Variants in PAIP2 observed in about 807,000 individuals in gnomAD.
PAIP2 encodes polyadenylate-binding protein-interacting protein 2.
A neutral mutation model predicts 14.8 loss-of-function variants in PAIP2; 7 were observed. That is an observed-to-expected ratio of 0.47 (90% CI 0.27 to 0.89). PAIP2 has a LOEUF of 0.89. Ranked by LOEUF, PAIP2 falls within the 40% of genes least tolerant of loss-of-function variation. The pLI, the probability that PAIP2 is intolerant of heterozygous loss-of-function variation, is 0.13. For synonymous variants in PAIP2, 47 were observed against 45.3 expected (o/e 1.04, Z -0.15); for missense variants, 122 against 154.7 (o/e 0.79, Z 1.12).
At chr5:139,355,166 CTTTTTTTTT>C (rs758442291) in intron 1 of PAIP2, among the ~76,000 whole-genome samples, 1 of 118,750 alleles carries the variant, frequency 8.4e-6, no homozygotes, top group African/African-American at 3.3e-5. Flanking sequence ...TTGTCTCTCT[CTTTTTTTTT>C]TTTTTTTTTG....
rs372917860 is a variant in PAIP2 at position 139,364,579 on chromosome 5, T to C, written c.154T>C (p.Trp52Arg). The change falls in exon 3 of 4, where the codon TGG (tryptophan) becomes CGG (arginine). Residue 52 changes from tryptophan to arginine, a missense_variant. Around this residue, in one of 3 missense-constraint regions of PAIP2, gnomAD observed 34 missense variants for 74.0 expected, o/e 0.46. Coordinates refer to ENST00000265192, the MANE Select transcript of PAIP2 (RefSeq NM_016480.5). ...EFNRQIEEELWEEEFIERCFQ... is the reference protein window; with the variant it reads ...EFNRQIEEELREEEFIERCFQ... ...ATAAATCTAGATAGAAGAGGAGTTA[T>C]GGGAAGAAGAATTTATTGAACGCTG... 10 of 1,595,934 alleles carry C rather than the reference T, an allele frequency of 6.3e-6. No homozygotes were observed. Among genetic ancestry groups the C allele is most frequent in the Admixed American group, 3.3e-5 (2 of 59,878 alleles).
chr5:139,350,464 C>T (rs1014881329), intron 1 of PAIP2, among the ~76,000 whole-genome samples: 17 of 151,672 alleles, frequency 1.1e-4, no homozygotes, highest in Admixed American at 7.2e-4. Flanking sequence ...AACCCCATGT[C>T]TACTAAAAAT....
chr5:139,368,669 C>T (rs1324743934), intron 3 of PAIP2, 64 bp from the exon 4 acceptor site: 1 of 1,067,276 alleles, frequency 9.4e-7, no homozygotes, highest in African/African-American at 1.6e-5. Flanking sequence ...GCATGAGGAT[C>T]TAGATTGAAT....
At chr5:139,361,277 A>G (rs1233557831) in intron 1 of PAIP2, among the ~76,000 whole-genome samples, 1 of 152,048 alleles carries the variant, frequency 6.6e-6, no homozygotes, top group East Asian at 1.9e-4. Context: ...CATAAAATTT[A>G]AAGGGCCAGG....
chr5:139,362,541 G>C (rs1043771329), intron 1 of PAIP2, among the ~76,000 whole-genome samples: 2 of 151,624 alleles, frequency 1.3e-5, no homozygotes, highest in South Asian at 2.1e-4. Flanking sequence ...CTCCGGAGTA[G>C]CTGGGATTAC....
chr5:139,353,593 A>G (rs1250949693), intron 1 of PAIP2, among the ~76,000 whole-genome samples: 1 of 152,202 alleles, frequency 6.6e-6, no homozygotes, highest in Non-Finnish European at 1.5e-5. Flanking sequence ...GCCCACCATT[A>G]TTACATTTGT....
At chr5:139,367,763 A>G (rs1157517928) in intron 3 of PAIP2, 1 of 152,222 alleles carries the variant, frequency 6.6e-6, no homozygotes, top group Non-Finnish European at 1.5e-5. Flanking sequence ...GTTCCTTGGT[A>G]TTTAGTGTTT....
intron 1 of PAIP2, among the ~76,000 whole-genome samples, chr5:139,350,527 A>C (rs1009985669): frequency 2.0e-5 from 3 of 151,990 alleles, no homozygotes; most frequent in African/African-American, 7.3e-5. Context: ...GCTACTCGGG[A>C]GGCTGAGACA....
chr5:139,344,074 G>T (rs1278993392), intron 1 of PAIP2, among the ~76,000 whole-genome samples: 1 of 152,122 alleles, frequency 6.6e-6, no homozygotes, highest in Non-Finnish European at 1.5e-5. Flanking sequence ...ATAATGCCAG[G>T]CATTGTTCTC....
chr5:139,354,065 A>C, intron 1 of PAIP2, among the ~76,000 whole-genome samples: 1 of 152,198 alleles, frequency 6.6e-6, no homozygotes, highest in Middle Eastern at 3.2e-3. Context: ...TAATAAGCCA[A>C]AATATGTTAT....
chr5:139,362,926 C>T (rs1757114364), intron 1 of PAIP2, among the ~76,000 whole-genome samples: 2 of 152,074 alleles, frequency 1.3e-5, no homozygotes, highest in African/African-American at 4.8e-5. Flanking sequence ...AACTGATGGA[C>T]TTCATTTACT....
intron 1 of PAIP2, among the ~76,000 whole-genome samples, chr5:139,345,980 T>C (rs1362962533): frequency 1.3e-5 from 2 of 152,140 alleles, no homozygotes; most frequent in African/African-American, 4.8e-5. Context: ...GGAGAAAGAT[T>C]GTAAAACCTA....
chr5:139,357,874 C>G (rs552210395), intron 1 of PAIP2, among the ~76,000 whole-genome samples: 1 of 152,216 alleles, frequency 6.6e-6, no homozygotes, highest in South Asian at 2.1e-4. Flanking sequence ...CCAACTTGTA[C>G]CAAGAATGCA....
chr5:139,347,974 C>T lies in PAIP2; in HGVS notation c.-27+5994C>T, dbSNP rs7446525. Among the ~76,000 whole-genome samples, 577 of 152,106 alleles carry T rather than the reference C, an allele frequency of 3.8e-3. 4 individuals carry two copies. Among genetic ancestry groups the T allele is most frequent in the Admixed American group, 4.3e-3 (66 of 15,272 alleles). ...ATCACCTGAGTTCAGGAGTTCTAGA[C>T]GAGCCTGGCCAACATAGTGAAACCC... On this transcript the variant is annotated intron_variant, in intron 1 of 3. Coordinates refer to ENST00000265192, the MANE Select transcript of PAIP2 (RefSeq NM_016480.5).
At chr5:139,353,233 C>T (rs954001352) in intron 1 of PAIP2, among the ~76,000 whole-genome samples, 2 of 151,934 alleles carry the variant, frequency 1.3e-5, no homozygotes, top group South Asian at 2.1e-4. Context: ...TGTCTGTTTT[C>T]GGTCCTTAAA....
At chr5:139,346,651 C>T (rs1309288187) in intron 1 of PAIP2, among the ~76,000 whole-genome samples, 2 of 147,882 alleles carry the variant, frequency 1.4e-5, no homozygotes, top group Non-Finnish European at 3.0e-5. Flanking sequence ...CCTGCCTCAG[C>T]CTCCCGAGTA....
At chr5:139,356,889 G>GAAA (rs70982774) in intron 1 of PAIP2, among the ~76,000 whole-genome samples, 3 of 112,474 alleles carry the variant, frequency 2.7e-5, no homozygotes, top group African/African-American at 9.0e-5. Flanking sequence ...TCTGTCTCCA[G>GAAA]AAAAAAAAAA....
At chr5:139,366,028 C>T (rs1184013112) in intron 3 of PAIP2, among the ~76,000 whole-genome samples, 10 of 151,860 alleles carry the variant, frequency 6.6e-5, no homozygotes, top group East Asian at 3.9e-4. Context: ...GGTGAAACCC[C>T]GTCTCTACTA....
At chr5:139,348,144 T>G (rs1756612327) in intron 1 of PAIP2, among the ~76,000 whole-genome samples, 2 of 110,764 alleles carry the variant, frequency 1.8e-5, no homozygotes, top group Non-Finnish European at 3.3e-5. Flanking sequence ...AGACTCCATG[T>G]CAAAAAAAAA....
Sources: allele counts gnomAD v4.1 joint callset (sites outside exome capture counted in the v4.1 genomes callset), GRCh38; gene constraint gnomAD v4.1.1; regional missense constraint gnomAD v4.1.1; transcripts MANE v1.5; gene names NCBI Gene and HGNC (gene_info 2026-07-23, HGNC 2026-07-21).